The following DCAF8 variants were observed in gnomAD, a reference collection of about 807,000 sequenced individuals.
The protein encoded by DCAF8 is DDB1 and CUL4 associated factor 8.
In DCAF8, 20 loss-of-function variants were observed where a neutral mutation model predicts 68.0. The ratio of observed to expected loss-of-function variants is 0.29; its 90% CI spans 0.21 to 0.43. The LOEUF (loss-of-function observed/expected upper bound fraction) is 0.43. Ranked by LOEUF, DCAF8 falls within the 20% of genes least tolerant of loss-of-function variation. DCAF8 has a pLI of 1.00. For missense variants in DCAF8, 460 were observed against 771.0 expected (o/e 0.60, Z 4.78); for synonymous variants, 230 against 276.9 (o/e 0.83, Z 1.68).
intron 11 of DCAF8, chr1:160,220,393 T>G (rs1655256800): frequency 6.6e-6 from 1 of 152,178 alleles, no homozygotes; most frequent in Non-Finnish European, 1.5e-5. Context: ...AGGGGAACAA[T>G]TCCTTGGAAC....
chr1:160,254,669 G>A (rs1175878015), intron 2 of DCAF8, among the ~76,000 whole-genome samples: 1 of 152,136 alleles, frequency 6.6e-6, no homozygotes, highest in African/African-American at 2.4e-5. Flanking sequence ...GCATGCGCCT[G>A]TAGTCTTAGC....
intron 13 of DCAF8, chr1:160,217,995 C>A: frequency 2.0e-6 from 1 of 510,442 alleles, no homozygotes. Context: ...GTTTGCCAAC[C>A]CCTGAACTAG....
intron 2 of DCAF8, among the ~76,000 whole-genome samples, chr1:160,258,361 G>A (rs1209058092): frequency 2.6e-5 from 4 of 152,034 alleles, no homozygotes; most frequent in African/African-American, 9.7e-5. Context: ...TAAATAGACT[G>A]CACTTTAAGA....
At chr1:160,220,765 T>G (rs1204322999) in intron 11 of DCAF8, 1 of 152,178 alleles carries the variant, frequency 6.6e-6, no homozygotes, top group East Asian at 1.9e-4. Context: ...GAAAATAACT[T>G]CTAAGATCTT....
chr1:160,229,606 T>C (rs957895421), intron 7 of DCAF8, among the ~76,000 whole-genome samples: 1 of 152,198 alleles, frequency 6.6e-6, no homozygotes, highest in Non-Finnish European at 1.5e-5. Flanking sequence ...TTTCAAGTAA[T>C]CTGGAGCTCT....
At chr1:160,258,869 T>A (rs942682654) in intron 2 of DCAF8, among the ~76,000 whole-genome samples, 1 of 152,180 alleles carries the variant, frequency 6.6e-6, no homozygotes, top group African/African-American at 2.4e-5. Context: ...CATAAGGAAA[T>A]AAACAGTCCA....
intron 7 of DCAF8, among the ~76,000 whole-genome samples, chr1:160,227,171 AACATCAGCATTT>A (rs1470006979): frequency 6.6e-6 from 1 of 152,214 alleles, no homozygotes; most frequent in African/African-American, 2.4e-5. Flanking sequence ...GCTACTGGAG[AACATCAGCATTT>A]AATGGGTGGA....
chr1:160,238,896 A>G (rs1234739894), intron 4 of DCAF8, 149 bp from the exon 5 acceptor site: 1 of 938,448 alleles, frequency 1.1e-6, no homozygotes, highest in Non-Finnish European at 1.5e-6. Context: ...CAGCTGGCTA[A>G]GCCCAATTTC....
chr1:160,251,908 G>A (rs1047072903), intron 2 of DCAF8, among the ~76,000 whole-genome samples: 1 of 152,146 alleles, frequency 6.6e-6, no homozygotes, highest in Admixed American at 6.5e-5. Flanking sequence ...GTACTTGGAG[G>A]GGTCCAACAT....
At chr1:160,247,945 C>G (rs1045057734) in intron 2 of DCAF8, among the ~76,000 whole-genome samples, 1 of 152,250 alleles carries the variant, frequency 6.6e-6, no homozygotes. Context: ...GGTTAGGCAA[C>G]AATTTCTTAG....
intron 2 of DCAF8, among the ~76,000 whole-genome samples, chr1:160,260,051 C>T (rs866133033): frequency 3.3e-5 from 5 of 150,932 alleles, no homozygotes; most frequent in East Asian, 1.9e-4. Context: ...CATAAATTAA[C>T]GTATAACTTA....
At chr1:160,236,262 A>AC (rs60178749) in intron 6 of DCAF8, among the ~76,000 whole-genome samples, 58,387 of 137,544 alleles carry the variant, frequency 0.42, 11,834 homozygotes, top group South Asian at 0.53. Context: ...CATCACACAC[A>AC]AACACACACA....
chr1:160,259,309 C>T (rs995627473), intron 2 of DCAF8, among the ~76,000 whole-genome samples: 1 of 152,082 alleles, frequency 6.6e-6, no homozygotes, highest in Non-Finnish European at 1.5e-5. Flanking sequence ...CTGAGGCGGG[C>T]AGATCACAAG....
intron 6 of DCAF8, among the ~76,000 whole-genome samples, chr1:160,235,455 A>G (rs1655835386): frequency 6.6e-6 from 1 of 151,922 alleles, no homozygotes; most frequent in African/African-American, 2.4e-5. Context: ...CAAACAAGAC[A>G]ATAAACGATC....
At chr1:160,220,781 C>G (rs1448583718) in intron 11 of DCAF8, 1 of 152,190 alleles carries the variant, frequency 6.6e-6, no homozygotes, top group Non-Finnish European at 1.5e-5. Context: ...ATCTTTGGTT[C>G]TAACATTCTA....
intron 7 of DCAF8, 78 bp from the exon 8 acceptor site, chr1:160,225,741 GGAAA>G: frequency 2.6e-6 from 3 of 1,171,878 alleles, no homozygotes; most frequent in South Asian, 1.3e-5. Flanking sequence ...TGTAGTGGCA[GGAAA>G]CTGCCAGCTG....
At chr1:160,248,482 T>C (rs557206711) in intron 2 of DCAF8, among the ~76,000 whole-genome samples, 3 of 152,082 alleles carry the variant, frequency 2.0e-5, no homozygotes, top group Non-Finnish European at 4.4e-5. Context: ...ACGCCTGTAA[T>C]CCCATCACTT....
At chr1:160,247,152 T>C (rs1415462768) in intron 2 of DCAF8, among the ~76,000 whole-genome samples, 1 of 152,174 alleles carries the variant, frequency 6.6e-6, no homozygotes, top group African/African-American at 2.4e-5. Context: ...CTAATCTTGC[T>C]GAGGTTGGAA....
chr1:160,253,603 G>T (rs1048661510), intron 2 of DCAF8, among the ~76,000 whole-genome samples: 2 of 127,246 alleles, frequency 1.6e-5, no homozygotes, highest in Non-Finnish European at 3.1e-5. Flanking sequence ...AGCCGAGATC[G>T]CACCATTGCA....
Sources: allele counts gnomAD v4.1 joint callset (sites outside exome capture counted in the v4.1 genomes callset), GRCh38; gene constraint gnomAD v4.1.1; transcripts MANE v1.5; gene names NCBI Gene and HGNC (gene_info 2026-07-23, HGNC 2026-07-21).